KHDRBS3: variants seen among roughly 807,000 people sequenced by gnomAD.
The protein encoded by KHDRBS3 is KH domain-containing, RNA-binding, signal transduction-associated protein 3.
In KHDRBS3, 23 loss-of-function variants were observed where a neutral mutation model predicts 45.6. The observed-to-expected ratio is 0.50, with a 90% CI of 0.36 to 0.72. The LOEUF (loss-of-function observed/expected upper bound fraction) is 0.72, where lower values mean the gene tolerates loss of function less well. Among genes scored for constraint, KHDRBS3 ranks in the 30% least tolerant of loss-of-function variants. The probability of loss-of-function intolerance (pLI) is 0.00; values close to 1 mark genes in which losing one functional copy is unlikely to be tolerated. For missense variants in KHDRBS3, 352 were observed against 424.8 expected, an observed-to-expected ratio of 0.83 and a Z score of 1.51; for synonymous variants, 162 against 156.5, an observed-to-expected ratio of 1.04 and a Z score of -0.26.
intron 4 of KHDRBS3, among the ~76,000 whole-genome samples, chr8:135,554,874 T>C (rs1563764739): frequency 6.6e-6 from 1 of 152,208 alleles, no homozygotes; most frequent in African/African-American, 2.4e-5. Flanking sequence ...GGAATCTGTC[T>C]CCTCTAAATG....
intron 7 of KHDRBS3, among the ~76,000 whole-genome samples, chr8:135,619,482 G>C (rs562491964): frequency 6.6e-6 from 1 of 152,070 alleles, no homozygotes; most frequent in Non-Finnish European, 1.5e-5. Flanking sequence ...CTCAATTAAG[G>C]CTGCATAAAG....
chr8:135,457,999 CGGGTGGAAACGCGG>C lies in KHDRBS3; in HGVS notation c.88+49_88+62del, dbSNP rs1821203257. 6.5e-7 allele frequency: 1 copy of C among 1,532,804 alleles called. No individual in the cohort carries two copies. Among genetic ancestry groups the C allele is most frequent in the Non-Finnish European group, 8.8e-7 (1 of 1,141,908 alleles). 95.0% of individuals were successfully genotyped at this position (1,532,804 alleles called of 1,614,324 possible). A position where few individuals can be genotyped will look rare whatever the true frequency, so the allele number is the denominator to read the frequency against. ...CTGCCGGCCGGCGGCGGTTGGGGGC[CGGGTGGAAACGCGG>C]GGGCCCAGGGGGCCCCTCCGTGCCC... On this transcript the variant is annotated intron_variant, in intron 1 of 8. Transcript: ENST00000355849. The surrounding 1 kb of genome is among the most constrained non-coding windows in gnomAD (Gnocchi z 4.4).
chr8:135,481,756 A>G (rs1822590440), intron 1 of KHDRBS3, among the ~76,000 whole-genome samples: 1 of 152,236 alleles, frequency 6.6e-6, no homozygotes, highest in Admixed American at 6.5e-5. Flanking sequence ...ACACTCTGCC[A>G]TCATTGCATG....
At chr8:135,593,984 C>T (rs1463464858) in intron 6 of KHDRBS3, among the ~76,000 whole-genome samples, 1 of 152,124 alleles carries the variant, frequency 6.6e-6, no homozygotes, top group African/African-American at 2.4e-5. Flanking sequence ...GGACTCTGCG[C>T]AGACTCGATG....
chr8:135,593,452 A>G (rs962785982), intron 6 of KHDRBS3: 1 of 152,126 alleles, frequency 6.6e-6, no homozygotes, highest in Non-Finnish European at 1.5e-5. Flanking sequence ...AGTGGTAGGT[A>G]GGAGCTATGT....
At chr8:135,587,339 AG>A (rs1413703457) in intron 6 of KHDRBS3, among the ~76,000 whole-genome samples, 4 of 152,346 alleles carry the variant, frequency 2.6e-5, no homozygotes, top group Admixed American at 6.5e-5. Flanking sequence ...CGTATGACAC[AG>A]CCATTTGAGT....
intron 2 of KHDRBS3, among the ~76,000 whole-genome samples, chr8:135,530,164 A>G (rs889357701): frequency 6.6e-6 from 1 of 152,190 alleles, no homozygotes; most frequent in Non-Finnish European, 1.5e-5. Context: ...ATATATCTCT[A>G]TGTCTATTGC....
chr8:135,573,483 C>T (rs1472459415), intron 5 of KHDRBS3, among the ~76,000 whole-genome samples: 2 of 152,138 alleles, frequency 1.3e-5, no homozygotes, highest in African/African-American at 2.4e-5. Flanking sequence ...TACTACATGC[C>T]TGTTTTAGGC....
At chr8:135,623,207 A>G (rs935672662) in intron 7 of KHDRBS3, among the ~76,000 whole-genome samples, 2 of 152,258 alleles carry the variant, frequency 1.3e-5, no homozygotes, top group African/African-American at 4.8e-5. Context: ...CCAGAAAAAA[A>G]TAAGCGATAA....
intron 1 of KHDRBS3, among the ~76,000 whole-genome samples, chr8:135,480,543 ACC>A (rs1404692934): frequency 1.3e-5 from 2 of 152,158 alleles, no homozygotes; most frequent in African/African-American, 4.8e-5. Flanking sequence ...GTTTTGTAGA[ACC>A]CTGTGTAAGT....
intron 7 of KHDRBS3, among the ~76,000 whole-genome samples, chr8:135,626,473 C>T (rs564317470): frequency 3.0e-4 from 45 of 152,310 alleles, no homozygotes; most frequent in African/African-American, 1.1e-3. Flanking sequence ...CTGAAGCTTC[C>T]TGGCATGGTG....
chr8:135,528,837 A>G (rs1427128452), intron 2 of KHDRBS3, among the ~76,000 whole-genome samples: 5 of 152,288 alleles, frequency 3.3e-5, no homozygotes, highest in East Asian at 1.9e-4. Context: ...TAGCCCTTTT[A>G]AAAGGCTTGA....
intron 7 of KHDRBS3, among the ~76,000 whole-genome samples, chr8:135,640,429 T>C (rs918394246): frequency 2.0e-5 from 3 of 152,126 alleles, no homozygotes; most frequent in Admixed American, 1.3e-4. Context: ...GGGTTTGTGG[T>C]CTTCCTGTTG....
At position 135,645,045 on chromosome 8, in the gene KHDRBS3, T is replaced by G; in HGVS notation, c.891-14T>G. Reference sequence around the variant, plus strand: ...AGATGATTTTGTCCTTTGTTTTGTTTTGATCACTTGCAGTGGTGCTGATTA... The same window carrying G: ...AGATGATTTTGTCCTTTGTTTTGTTGTGATCACTTGCAGTGGTGCTGATTA... On this transcript the variant is annotated splice_polypyrimidine_tract_variant and intron_variant, in intron 7 of 8. Transcript: ENST00000355849. 1 of 1,612,354 alleles carries G rather than the reference T, an allele frequency of 6.2e-7. No homozygotes were observed. The highest frequency in any genetic ancestry group is 8.5e-7 in the Non-Finnish European group (1 of 1,179,808).
chr8:135,602,659 T>C (rs976533245), intron 6 of KHDRBS3, among the ~76,000 whole-genome samples: 1 of 152,212 alleles, frequency 6.6e-6, no homozygotes, highest in African/African-American at 2.4e-5. Context: ...AAGCATATTC[T>C]TTTCAAGCTA....
intron 2 of KHDRBS3, chr8:135,541,246 C>G (rs1028302455): frequency 6.6e-6 from 1 of 152,112 alleles, no homozygotes; most frequent in Non-Finnish European, 1.5e-5. Flanking sequence ...ATAGGATTTT[C>G]AGAAAGATAA....
chr8:135,483,216 A>T (rs572101921), intron 1 of KHDRBS3, among the ~76,000 whole-genome samples: 1 of 152,338 alleles, frequency 6.6e-6, no homozygotes, highest in East Asian at 1.9e-4. Flanking sequence ...AAAGTTGCTG[A>T]TTATATTTAT....
intron 7 of KHDRBS3, among the ~76,000 whole-genome samples, chr8:135,637,746 A>C (rs79864139): frequency 0.011 from 1,682 of 152,318 alleles, 27 homozygotes; most frequent in African/African-American, 0.036. Flanking sequence ...GCTAGATGTC[A>C]GCACTGTCCA....
chr8:135,570,295 G>A (rs1401662590), intron 5 of KHDRBS3, among the ~76,000 whole-genome samples: 1 of 152,098 alleles, frequency 6.6e-6, no homozygotes, highest in African/African-American at 2.4e-5. Context: ...GAATAGAAAA[G>A]TTACAAGATA....
Sources: allele counts gnomAD v4.1 joint callset (sites outside exome capture counted in the v4.1 genomes callset), GRCh38; gene constraint gnomAD v4.1.1; non-coding constraint Gnocchi (gnomAD v3.1); transcripts MANE v1.5; gene names NCBI Gene and HGNC (gene_info 2026-07-23, HGNC 2026-07-21).